OXGR1: variants seen among roughly 807,000 people sequenced by gnomAD.
The protein encoded by OXGR1 is 2-oxoglutarate receptor 1.
Under a neutral mutation model 10.0 loss-of-function variants are expected in OXGR1, and 10 were observed. That is an observed-to-expected ratio of 1.00 (90% CI 0.62 to 1.70). OXGR1 has a LOEUF of 1.70. Among genes scored for constraint, OXGR1 ranks in the 40% most tolerant of loss-of-function variants. The pLI, the probability that OXGR1 is intolerant of heterozygous loss-of-function variation, is 0.00. For missense variants in OXGR1, 398 were observed against 407.6 expected, an observed-to-expected ratio of 0.98 and a Z score of 0.20; for synonymous variants, 191 against 155.9, an observed-to-expected ratio of 1.22 and a Z score of -1.68.
chr13:96,987,160 C>T lies in OXGR1; in HGVS notation c.600G>A (p.Leu200=), dbSNP rs9284174. Reference sequence around the variant, plus strand: ...GGCAGAAAGTAGTTGCAGTCAAAATCAGGTTGTACCACTTAATAGTATTGA... The same window carrying T: ...GGCAGAAAGTAGTTGCAGTCAAAATTAGGTTGTACCACTTAATAGTATTGA... The part of the protein sequence containing the change: ...DELNTIKWYN[L]ILTATTFCLP... Residue 200 remains leucine, a synonymous_variant, in exon 4 of 4, where the codon CTG becomes CTA. Transcript: ENST00000541038. 861,612 of 1,613,524 alleles carry T rather than the reference C, an allele frequency of 0.53. 233,721 individuals carry two copies. Among genetic ancestry groups the T allele is most frequent in the South Asian group, 0.64 (58,032 of 91,052 alleles).
rs370630287 is a variant in OXGR1, at chr13:96,987,166, G to A, written c.594C>T (p.Tyr198=). Residue 198 remains tyrosine (Y), a synonymous_variant, in exon 4 of 4, where the codon TAC becomes TAT. Transcript: ENST00000541038. The part of the protein sequence containing the change: ...SSDELNTIKW[Y]NLILTATTFC... The stretch of plus-strand genomic sequence containing the variant: ...AAGTAGTTGCAGTCAAAATCAGGTT[G>A]TACCACTTAATAGTATTGAGTTCAT... The A allele has an allele frequency of 1.9e-6, 3 of 1,614,060 alleles. No individual in the cohort carries two copies. Among genetic ancestry groups the A allele is most frequent in the Non-Finnish European group, 1.7e-6 (2 of 1,180,026 alleles).
At chr13:96,991,262 G>A (rs1191240592) in intron 2 of OXGR1, among the ~76,000 whole-genome samples, 5 of 152,116 alleles carry the variant, frequency 3.3e-5, no homozygotes, top group African/African-American at 1.2e-4. Flanking sequence ...GTTAACAACA[G>A]CACACAAAAA....
intron 3 of OXGR1, among the ~76,000 whole-genome samples, chr13:96,988,323 C>G (rs1369411774): frequency 1.3e-5 from 2 of 152,012 alleles, no homozygotes; most frequent in Admixed American, 6.6e-5. Context: ...AGCTGGGATC[C>G]ACACTCGCAT....
rs753624874 is a variant in OXGR1 at position 96,986,986 on chromosome 13, A to G, written c.774T>C (p.His258=). The change falls in exon 4 of 4, where the codon CAT becomes CAC. Residue 258 remains histidine (H), a synonymous_variant. Transcript: ENST00000541038. ...ATTCGATCCGAATGACCCTCAAGATATGGAAGGGTAAAAAACATACGTAAA... is the reference window on the plus strand; with the variant it reads ...ATTCGATCCGAATGACCCTCAAGATGTGGAAGGGTAAAAAACATACGTAAA... The part of the protein sequence containing the change: ...LAFYVCFLPF[H]ILRVIRIESR... 1.2e-6 allele frequency: 2 copies of G among 1,614,226 alleles called. No individual in the cohort carries two copies. The highest frequency in any genetic ancestry group is 2.2e-5 in the South Asian group (2 of 91,086).
At chr13:96,994,602 C>A (rs1395563367), upstream of OXGR1, 1 of 152,318 alleles carries the variant, frequency 6.6e-6, no homozygotes, top group Non-Finnish European at 1.5e-5. Context: ...TTCCAAAAAA[C>A]CAGCCCGGCG....
chr13:96,988,045 G>A (rs760491763), intron 3 of OXGR1, among the ~76,000 whole-genome samples: 4 of 152,182 alleles, frequency 2.6e-5, no homozygotes, highest in African/African-American at 9.7e-5. Context: ...AAATTACCAT[G>A]AGAGTTAAAA....
At chr13:96,987,884 T>A in intron 3 of OXGR1, 51 bp from the exon 4 acceptor site, 1 of 1,287,926 alleles carries the variant, frequency 7.8e-7, no homozygotes, top group Non-Finnish European at 1.0e-6. Context: ...AAAACAAGGA[T>A]CTACTTTTAA....
At chr13:96,993,603 A>G (rs761772958) in intron 1 of OXGR1, among the ~76,000 whole-genome samples, 1 of 152,182 alleles carries the variant, frequency 6.6e-6, no homozygotes, top group South Asian at 2.1e-4. Flanking sequence ...GCCCAAAGAT[A>G]TGGTTTTGCC....
At position 96,987,398 on chromosome 13, in the gene OXGR1, A is replaced by T; in HGVS notation, c.362T>A (p.Ile121Asn). 6.2e-7 allele frequency: 1 copy of T among 1,614,196 alleles called. No individual in the cohort carries two copies. The highest frequency in any genetic ancestry group is 1.1e-5 in the South Asian group (1 of 91,086). The change falls in exon 4 of 4, where the codon ATC becomes AAC. Residue 121 changes from isoleucine (I) to asparagine (N), a missense_variant. Coordinates refer to ENST00000541038, the MANE Select transcript of OXGR1 (RefSeq NM_001346194.2). The part of the protein sequence containing the change: ...FSFHFNLYSS[I>N]LFLTCFSIFR... ...GATGCTGAAACAGGTGAGGAAGAGGATGCTGCTATACAGGTTGAAATGGAA... is the reference window on the plus strand; with the variant it reads ...GATGCTGAAACAGGTGAGGAAGAGGTTGCTGCTATACAGGTTGAAATGGAA...
chr13:96,991,610 G>A (rs1197683529), intron 2 of OXGR1, among the ~76,000 whole-genome samples: 2 of 152,178 alleles, frequency 1.3e-5, no homozygotes, highest in Non-Finnish European at 2.9e-5. Flanking sequence ...TCAAAGGTTG[G>A]AATAAACTTG....
chr13:96,987,798 C>T lies in OXGR1; in HGVS notation c.-39G>A. The stretch of plus-strand genomic sequence containing the variant: ...CATCTTGCAAGAAAACAAGAGAGTT[C>T]AGTTTGGCAATATGAATCAAATGAG... On this transcript the variant is annotated 5_prime_UTR_variant, in exon 4 of 4. Transcript: ENST00000541038. The T allele has an allele frequency of 2.0e-6, 3 of 1,523,220 alleles. No individual in the cohort carries two copies. Among genetic ancestry groups the T allele is most frequent in the Admixed American group, 2.2e-5 (1 of 45,430 alleles). 94.4% of individuals were successfully genotyped at this position (1,523,220 alleles called of 1,614,324 possible). A position where few individuals can be genotyped will look rare whatever the true frequency, so the allele number is the denominator to read the frequency against.
At chr13:96,988,323 C>A (rs1369411774) in intron 3 of OXGR1, among the ~76,000 whole-genome samples, 2 of 152,012 alleles carry the variant, frequency 1.3e-5, no homozygotes, top group East Asian at 3.9e-4. Context: ...AGCTGGGATC[C>A]ACACTCGCAT....
At chr13:96,991,517 A>G (rs1295288124) in intron 2 of OXGR1, among the ~76,000 whole-genome samples, 2 of 152,268 alleles carry the variant, frequency 1.3e-5, no homozygotes, top group African/African-American at 4.8e-5. Context: ...TTTGCAAGCA[A>G]GAAATAATGA....
Position 96,987,603 on chromosome 13 carries a change from C to T in OXGR1, c.157G>A (p.Val53Ile), listed in dbSNP as rs766628786. 5 of 1,614,130 alleles carry T rather than the reference C, an allele frequency of 3.1e-6. No homozygotes were observed. Among genetic ancestry groups the T allele is most frequent in the East Asian group, 2.2e-5 (1 of 44,868 alleles). Residue 53 changes from valine to isoleucine, a missense_variant, in exon 4 of 4, where the codon GTA becomes ATA. By Grantham distance (29) the Val-to-Ile change is conservative. Transcript: ENST00000541038. ...TTGAAAATGTAAGTGGATATCACTA[C>T]TGCATTGCCTGGAAATCCCACGAGG... The part of the protein sequence containing the change: ...IFLVGFPGNA[V>I]VISTYIFKMR...
At chr13:96,990,571 A>G (rs972672685) in intron 2 of OXGR1, among the ~76,000 whole-genome samples, 7 of 152,164 alleles carry the variant, frequency 4.6e-5, no homozygotes, top group African/African-American at 1.4e-4. Context: ...TGAATGCATT[A>G]AAGAACAACC....
Position 96,985,778 on chromosome 13 carries a change from C to A in OXGR1, c.*968G>T, listed in dbSNP as rs1450124586. 1 of 152,120 alleles carries A rather than the reference C, an allele frequency of 6.6e-6. No homozygotes were observed. The highest frequency in any genetic ancestry group is 1.5e-5 in the Non-Finnish European group (1 of 68,028). 9.4% of individuals were successfully genotyped at this position (152,120 alleles called of 1,614,324 possible). Reference sequence around the variant, plus strand: ...TTTATGAGGGTTTTAAATATCCAGACCATGTGTTTTCTCAAATATTTATAC... The same window carrying A: ...TTTATGAGGGTTTTAAATATCCAGAACATGTGTTTTCTCAAATATTTATAC... On this transcript the variant is annotated 3_prime_UTR_variant, in exon 4 of 4. Transcript: ENST00000541038.
Position 96,992,487 on chromosome 13 carries a change from G to A in OXGR1, c.-192C>T, listed in dbSNP as rs1441505559. 2 of 152,162 alleles carry A rather than the reference G, an allele frequency of 1.3e-5. No homozygotes were observed. The highest frequency in any genetic ancestry group is 2.9e-5 in the Non-Finnish European group (2 of 68,018). 9.4% of individuals were successfully genotyped at this position (152,162 alleles called of 1,614,324 possible). On this transcript the variant is annotated 5_prime_UTR_variant, in exon 2 of 4. Coordinates refer to ENST00000541038, the MANE Select transcript of OXGR1 (RefSeq NM_001346194.2). ...GATTGTTTGAGGCTAGCTGCAGGAT[G>A]TCAATATTTGGGTAACACACCGTTC...
chr13:96,993,450 G>C (rs553515206), intron 1 of OXGR1, among the ~76,000 whole-genome samples: 1 of 152,104 alleles, frequency 6.6e-6, no homozygotes, highest in Admixed American at 6.5e-5. Flanking sequence ...TCGAACTACT[G>C]ACCTCAGGTG....
rs900969555 is a variant in OXGR1, at chr13:96,985,937, C to T, written c.*809G>A. On this transcript the variant is annotated 3_prime_UTR_variant, in exon 4 of 4. Transcript: ENST00000541038. The stretch of plus-strand genomic sequence containing the variant: ...TCCTGGAATATTTTCCCACAAAAAT[C>T]AAAACAGTGTTAGATATGATTGAAC... 1 of 152,130 alleles carries T rather than the reference C, an allele frequency of 6.6e-6. No individual in the cohort carries two copies. Among genetic ancestry groups the T allele is most frequent in the Non-Finnish European group, 1.5e-5 (1 of 68,008 alleles). The allele number at this position is 152,130 out of a possible 1,614,324, so 9.4% of individuals were successfully genotyped here.
Sources: gnomAD v4.1 joint callset for allele counts (sites outside exome capture counted in the v4.1 genomes callset) on GRCh38, gnomAD v4.1.1 for gene constraint, MANE v1.5 for transcripts, NCBI Gene and HGNC (gene_info 2026-07-23, HGNC 2026-07-21) for gene names.